Variants in CMSS1 observed in about 807,000 individuals in gnomAD.
CMSS1 encodes the protein protein CMSS1.
A neutral mutation model predicts 43.5 loss-of-function variants in CMSS1; 33 were observed. The observed-to-expected ratio is 0.76, with a 90% CI of 0.57 to 1.01. CMSS1 has a LOEUF of 1.01. Ranked by LOEUF, CMSS1 falls within the 50% of genes least tolerant of loss-of-function variation. The pLI is 0.00. For synonymous variants in CMSS1, 115 were observed against 117.2 expected, an observed-to-expected ratio of 0.98 and a Z score of 0.12; for missense variants, 313 against 326.4, an observed-to-expected ratio of 0.96 and a Z score of 0.32.
At chr3:99,914,299 G>A (rs1162662802) in intron 1 of CMSS1, among the ~76,000 whole-genome samples, 1 of 152,054 alleles carries the variant, frequency 6.6e-6, no homozygotes, top group African/African-American at 2.4e-5. Flanking sequence ...TTTTATTTTT[G>A]GAAGACCAGT....
intron 1 of CMSS1, among the ~76,000 whole-genome samples, chr3:100,014,773 C>T (rs1417857911): frequency 4.0e-4 from 57 of 141,328 alleles, no homozygotes; most frequent in Non-Finnish European, 7.9e-4. Context: ...CAAATGTTTT[C>T]TCTCATTCCA....
intron 1 of CMSS1, chr3:100,023,517 A>G (rs2064862669): frequency 6.6e-6 from 1 of 152,658 alleles, no homozygotes; most frequent in African/African-American, 2.4e-5. Flanking sequence ...TAAATGTGAA[A>G]GAACTGTAAG....
At chr3:100,010,965 T>G (rs1299430123) in intron 1 of CMSS1, among the ~76,000 whole-genome samples, 3 of 151,852 alleles carry the variant, frequency 2.0e-5, no homozygotes, top group African/African-American at 7.3e-5. Flanking sequence ...AGTCTACAAA[T>G]AATTGCCCCT....
intron 1 of CMSS1, among the ~76,000 whole-genome samples, chr3:99,840,467 C>A (rs1258787371): frequency 6.6e-6 from 1 of 152,006 alleles, no homozygotes; most frequent in African/African-American, 2.4e-5. Flanking sequence ...CATGATCTGC[C>A]CGCTTTGGCC....
chr3:99,915,611 G>A (rs1312454124), intron 1 of CMSS1, among the ~76,000 whole-genome samples: 1 of 151,638 alleles, frequency 6.6e-6, no homozygotes. Flanking sequence ...CCAAAAAGAA[G>A]AAATGAGTCT....
At chr3:99,856,749 G>C (rs1464762924) in intron 1 of CMSS1, among the ~76,000 whole-genome samples, 1 of 152,160 alleles carries the variant, frequency 6.6e-6, no homozygotes, top group Non-Finnish European at 1.5e-5. Context: ...GATACACTCA[G>C]AGGGTTTTTT....
chr3:99,848,814 T>C (rs200990031), intron 1 of CMSS1: 18 of 1,614,066 alleles, frequency 1.1e-5, no homozygotes, highest in Non-Finnish European at 1.5e-5. Flanking sequence ...TTACTGGTGT[T>C]ATGGAGGCGT....
chr3:99,968,802 C>A (rs1708729125), intron 1 of CMSS1, among the ~76,000 whole-genome samples: 1 of 152,134 alleles, frequency 6.6e-6, no homozygotes, highest in African/African-American at 2.4e-5. Flanking sequence ...AGAGAAGTTT[C>A]AGTCCAGTGG....
At position 99,992,002 on chromosome 3, in the gene CMSS1, A is replaced by ATG. The variant is rs1201211092; in HGVS notation, c.65-154961_65-154960dup. Reference sequence around the variant, plus strand: ...TATATGTGTATATATACGTATATATATGTGTGTGTGTATATATATATATAC... The same window carrying ATG: ...TATATGTGTATATATACGTATATATATGTGTGTGTGTGTATATATATATATAC... On this transcript the variant is annotated intron_variant, in intron 1 of 9. Transcript: ENST00000421999. Among the ~76,000 whole-genome samples the ATG allele has an allele frequency of 9.4e-5, 14 of 149,716 alleles. No homozygotes were observed. In the South Asian group the frequency reaches 1.3e-3, roughly 13 times the overall value.
At chr3:99,931,263 C>T (rs1041854449) in intron 1 of CMSS1, among the ~76,000 whole-genome samples, 2 of 152,096 alleles carry the variant, frequency 1.3e-5, no homozygotes, top group Non-Finnish European at 2.9e-5. Flanking sequence ...TTGATTAAGG[C>T]CACTTATGTC....
At chr3:99,896,464 A>G (rs747278110) in intron 1 of CMSS1, among the ~76,000 whole-genome samples, 27 of 152,306 alleles carry the variant, frequency 1.8e-4, no homozygotes, top group Middle Eastern at 3.4e-3. Flanking sequence ...GGTTTTTTTC[A>G]TGAATGGTAG....
chr3:99,850,650 C>T, intron 1 of CMSS1: 1 of 1,614,074 alleles, frequency 6.2e-7, no homozygotes, highest in Non-Finnish European at 8.5e-7. Flanking sequence ...TTCGTAAAGA[C>T]CTGTTTGTCT....
chr3:100,108,173 T>C (rs1035893873), intron 1 of CMSS1, among the ~76,000 whole-genome samples: 2 of 152,300 alleles, frequency 1.3e-5, no homozygotes, highest in African/African-American at 4.8e-5. Flanking sequence ...GGCTTCTTAA[T>C]TCGGTCCAGG....
intron 1 of CMSS1, among the ~76,000 whole-genome samples, chr3:99,870,747 A>C (rs1944747390): frequency 6.6e-6 from 1 of 152,208 alleles, no homozygotes; most frequent in South Asian, 2.1e-4. Context: ...CTCTTCTGTA[A>C]AATCTGGGAG....
At chr3:100,132,933 T>G (rs2066722016) in intron 1 of CMSS1, among the ~76,000 whole-genome samples, 1 of 152,080 alleles carries the variant, frequency 6.6e-6, no homozygotes, top group Non-Finnish European at 1.5e-5. Flanking sequence ...AAGGTAATAT[T>G]CAGTGTTTAC....
intron 1 of CMSS1, among the ~76,000 whole-genome samples, chr3:100,024,678 G>A (rs1433459265): frequency 1.3e-5 from 2 of 152,320 alleles, no homozygotes; most frequent in African/African-American, 4.8e-5. Context: ...ATACTAGTGA[G>A]TGACCTTCTA....
At chr3:100,159,931 C>T (rs1407340520) in intron 2 of CMSS1, 2 of 456,478 alleles carry the variant, frequency 4.4e-6, no homozygotes, top group South Asian at 1.5e-5. Context: ...GTTAATATAT[C>T]TTACTTTGGA....
intron 1 of CMSS1, among the ~76,000 whole-genome samples, chr3:99,892,238 T>C (rs1706105852): frequency 6.6e-6 from 1 of 152,172 alleles, no homozygotes; most frequent in Non-Finnish European, 1.5e-5. Context: ...GTCTCCAATT[T>C]TGTATGGAGA....
intron 1 of CMSS1, chr3:100,141,540 A>C (rs2066804903): frequency 2.2e-6 from 1 of 456,234 alleles, no homozygotes; most frequent in African/African-American, 2.0e-5. Context: ...GGCCCCTCCC[A>C]GTGTCTTCAA....
Sources: gnomAD v4.1 joint callset for allele counts (sites outside exome capture counted in the v4.1 genomes callset) on GRCh38, gnomAD v4.1.1 for gene constraint, MANE v1.5 for transcripts, NCBI Gene and HGNC (gene_info 2026-07-23, HGNC 2026-07-21) for gene names.